FBXW4: variants seen among roughly 807,000 people sequenced by gnomAD.
The protein encoded by FBXW4 is F-box/WD repeat-containing protein 4.
FBXW4 carries 40 observed loss-of-function variants against 61.8 expected under a neutral mutation model. The ratio of observed to expected loss-of-function variants is 0.65; its 90% CI spans 0.50 to 0.84. The LOEUF (loss-of-function observed/expected upper bound fraction) is 0.84. FBXW4 is among the 40% of genes least tolerant of loss of function. FBXW4 has a pLI of 0.00. For missense variants in FBXW4, 672 were observed against 753.8 expected (o/e 0.89, Z 1.27); for synonymous variants, 311 against 313.8 (o/e 0.99, Z 0.10).
intron 1 of FBXW4, among the ~76,000 whole-genome samples, chr10:101,684,640 C>T (rs918753936): frequency 2.0e-5 from 3 of 152,190 alleles, no homozygotes; most frequent in East Asian, 3.9e-4. Context: ...CCCAGATTGC[C>T]TGTTCTCACC....
chr10:101,635,176 C>A (rs2063990617), intron 5 of FBXW4, among the ~76,000 whole-genome samples: 1 of 149,326 alleles, frequency 6.7e-6, no homozygotes, highest in Non-Finnish European at 1.5e-5. Context: ...TTGTGAACTG[C>A]ACATGCAAGG....
At chr10:101,669,198 A>T (rs191624505) in intron 4 of FBXW4, among the ~76,000 whole-genome samples, 2 of 152,270 alleles carry the variant, frequency 1.3e-5, no homozygotes, top group Admixed American at 1.3e-4. Flanking sequence ...TACTAAGAGG[A>T]TCCTAAATGA....
chr10:101,612,664 A>G (rs1050946631), intron 6 of FBXW4, among the ~76,000 whole-genome samples, 187 bp from the exon 7 acceptor site: 1 of 151,944 alleles, frequency 6.6e-6, no homozygotes, highest in Non-Finnish European at 1.5e-5. Flanking sequence ...GGCCTCTGCA[A>G]CCAGTCCCAG....
chr10:101,688,331 G>A (rs1313252665), intron 1 of FBXW4, among the ~76,000 whole-genome samples: 1 of 152,190 alleles, frequency 6.6e-6, no homozygotes, highest in Non-Finnish European at 1.5e-5. Context: ...TTGAGCTCAT[G>A]TCAAATACCA....
rs576400788 is a variant in FBXW4 at position 101,646,757 on chromosome 10, A to C, written c.1235+21129T>G. On this transcript the variant is annotated intron_variant, in intron 5 of 8. Transcript: ENST00000331272. ...TAAAGCCACAGGGAGAGGGAGAAGG[A>C]TGAAAGGTTTGGGGGTTTTACATTT... 2.0e-5 allele frequency among the ~76,000 whole-genome samples: 3 copies of C among 152,350 alleles called. No individual in the cohort carries two copies. In the South Asian group the frequency reaches 6.2e-4, roughly 32 times the overall value.
intron 1 of FBXW4, among the ~76,000 whole-genome samples, chr10:101,692,854 GA>G (rs1200436193): frequency 6.6e-6 from 1 of 151,392 alleles, no homozygotes; most frequent in Non-Finnish European, 1.5e-5. Context: ...GAGAAAAAGA[GA>G]AAAAAATCAC....
At chr10:101,613,649 C>T (rs998766341) in intron 6 of FBXW4, among the ~76,000 whole-genome samples, 12 of 152,230 alleles carry the variant, frequency 7.9e-5, no homozygotes, top group African/African-American at 1.2e-4. Context: ...CGTCCTTCCA[C>T]CTCACTGAGA....
At position 101,672,900 on chromosome 10, in the gene FBXW4, G is replaced by C; in HGVS notation, c.1140+15C>G. 1 of 1,613,466 alleles carries C rather than the reference G, an allele frequency of 6.2e-7. No homozygotes were observed. On this transcript the variant is annotated intron_variant, in intron 4 of 8. Coordinates refer to ENST00000331272, the MANE Select transcript of FBXW4 (RefSeq NM_022039.4). ...CAGGAGGGAGTAATAGTATGTAAGG[G>C]GGAGACCACCTCACCTTGGCCGTCC...
chr10:101,676,530 C>A, intron 1 of FBXW4, 94 bp from the exon 2 acceptor site: 1 of 927,184 alleles, frequency 1.1e-6, no homozygotes. Context: ...TCAGGAGCAT[C>A]CAGAATACAA....
chr10:101,640,379 T>C (rs889269189), intron 5 of FBXW4, among the ~76,000 whole-genome samples: 2 of 152,114 alleles, frequency 1.3e-5, no homozygotes, highest in African/African-American at 4.8e-5. Context: ...TATGGACTGA[T>C]GAGACTGAAT....
At chr10:101,689,068 C>T (rs1234258721) in intron 1 of FBXW4, among the ~76,000 whole-genome samples, 3 of 152,008 alleles carry the variant, frequency 2.0e-5, no homozygotes, top group Non-Finnish European at 4.4e-5. Flanking sequence ...CCTCAGTGAC[C>T]TCACTGTCAG....
At chr10:101,642,652 C>T (rs1039530938) in intron 5 of FBXW4, among the ~76,000 whole-genome samples, 52 of 152,210 alleles carry the variant, frequency 3.4e-4, no homozygotes, top group African/African-American at 1.2e-3. Flanking sequence ...GCACCAAATT[C>T]TACCTCTGAA....
At position 101,666,438 on chromosome 10, in the gene FBXW4, G is replaced by A. The variant is rs549439708; in HGVS notation, c.1235+1448C>T. 2.0e-5 allele frequency among the ~76,000 whole-genome samples: 3 copies of A among 152,270 alleles called. 1 individual carries two copies. In the South Asian group the frequency reaches 6.2e-4, roughly 32 times the overall value. On this transcript the variant is annotated intron_variant, in intron 5 of 8. Transcript: ENST00000331272. ...TCTTAGAAAGAAAAAAAATTGAAAG[G>A]GAGTTGTGGAAGGGAGTAGGAGGAG...
chr10:101,645,908 T>C (rs1030349806), intron 5 of FBXW4, among the ~76,000 whole-genome samples: 3 of 152,170 alleles, frequency 2.0e-5, no homozygotes, highest in Admixed American at 2.0e-4. Context: ...CTATGAGAGA[T>C]GTGACTCTGG....
chr10:101,643,959 C>T (rs2064075187), intron 5 of FBXW4, among the ~76,000 whole-genome samples: 2 of 152,186 alleles, frequency 1.3e-5, no homozygotes, highest in South Asian at 4.1e-4. Context: ...TCTGCCCTCC[C>T]CGCAAAGCCT....
intron 5 of FBXW4, among the ~76,000 whole-genome samples, chr10:101,640,034 G>C (rs536437114): frequency 6.6e-6 from 1 of 152,354 alleles, no homozygotes; most frequent in Admixed American, 6.5e-5. Flanking sequence ...TCCTCACTGA[G>C]AGATGAGCAA....
At chr10:101,674,374 C>CT (rs2064388406) in intron 2 of FBXW4, among the ~76,000 whole-genome samples, 1 of 151,206 alleles carries the variant, frequency 6.6e-6, no homozygotes, top group Admixed American at 6.6e-5. Flanking sequence ...AGTGAAATAA[C>CT]TTTCTTTCAT....
intron 5 of FBXW4, among the ~76,000 whole-genome samples, chr10:101,630,824 A>G (rs2063948492): frequency 6.6e-6 from 1 of 152,238 alleles, no homozygotes; most frequent in African/African-American, 2.4e-5. Context: ...GGAAGGGGAA[A>G]AAAACAGGCA....
At chr10:101,677,969 C>T (rs1336448074) in intron 1 of FBXW4, among the ~76,000 whole-genome samples, 1 of 151,648 alleles carries the variant, frequency 6.6e-6, no homozygotes, top group Non-Finnish European at 1.5e-5. Context: ...ATATCTGTAA[C>T]TTATTTTAAA....
Sources: allele counts gnomAD v4.1 joint callset (sites outside exome capture counted in the v4.1 genomes callset), GRCh38; gene constraint gnomAD v4.1.1; transcripts MANE v1.5; gene names NCBI Gene and HGNC (gene_info 2026-07-23, HGNC 2026-07-21).